PLEKHM3: variants seen among roughly 807,000 people sequenced by gnomAD.
The protein encoded by PLEKHM3 is pleckstrin homology domain-containing family M member 3.
PLEKHM3 carries 45 observed loss-of-function variants against 81.8 expected under a neutral mutation model. The ratio of observed to expected loss-of-function variants is 0.55; its 90% CI spans 0.43 to 0.71. The LOEUF (loss-of-function observed/expected upper bound fraction) is 0.71, where lower values mean the gene tolerates loss of function less well. Among genes scored for constraint, PLEKHM3 ranks in the 30% least tolerant of loss-of-function variants. The pLI is 0.00. For synonymous variants in PLEKHM3, 352 were observed against 356.4 expected, an observed-to-expected ratio of 0.99 and a Z score of 0.14; for missense variants, 788 against 924.3, an observed-to-expected ratio of 0.85 and a Z score of 1.91.
At chr2:207,872,825 TCAAA>T (rs113370682) in intron 6 of PLEKHM3, among the ~76,000 whole-genome samples, 60 of 152,146 alleles carry the variant, frequency 3.9e-4, no homozygotes, top group South Asian at 8.3e-4. Flanking sequence ...AGACTCCGTC[TCAAA>T]CAAACAAACA....
intron 3 of PLEKHM3, among the ~76,000 whole-genome samples, chr2:207,967,593 G>A (rs1690961943): frequency 6.6e-6 from 1 of 152,160 alleles, no homozygotes; most frequent in Admixed American, 6.5e-5. Flanking sequence ...CTTTATCCAG[G>A]TAATTATAGT....
chr2:207,859,600 T>C lies in PLEKHM3; in HGVS notation c.2108+1505A>G, dbSNP rs577950908. ...GTGTACAAGTTTTATGTGGTGTGCA[T>C]TTTGTTTTTTTTTTTTAGACAGAGT... On this transcript the variant is annotated intron_variant, in intron 7 of 7. Transcript: ENST00000427836. 2.6e-5 allele frequency among the ~76,000 whole-genome samples: 4 copies of C among 151,730 alleles called. No homozygotes were observed. The South Asian group carries it at 8.3e-4, about 32-fold the overall frequency.
intron 2 of PLEKHM3, among the ~76,000 whole-genome samples, chr2:207,989,729 A>T (rs990085956): frequency 3.3e-5 from 5 of 152,154 alleles, no homozygotes; most frequent in Non-Finnish European, 4.4e-5. Flanking sequence ...TTCCTCACCC[A>T]ACTTTTGAAC....
intron 5 of PLEKHM3, among the ~76,000 whole-genome samples, chr2:207,928,538 G>C (rs943170798): frequency 2.0e-5 from 3 of 152,230 alleles, no homozygotes; most frequent in African/African-American, 7.2e-5. Context: ...ACTGTTTTAA[G>C]CACTTCAGTT....
intron 1 of PLEKHM3, among the ~76,000 whole-genome samples, chr2:208,020,220 C>T (rs1208031264): frequency 6.6e-6 from 1 of 152,230 alleles, no homozygotes; most frequent in Non-Finnish European, 1.5e-5. Flanking sequence ...AAACTGGTTA[C>T]ACTAGTCAGG....
intron 2 of PLEKHM3, among the ~76,000 whole-genome samples, chr2:207,998,055 G>C (rs1238013888): frequency 6.6e-6 from 1 of 152,140 alleles, no homozygotes. Flanking sequence ...TAGAACTCCA[G>C]CCTGAGAATG....
chr2:207,970,462 T>G (rs1458499717), intron 3 of PLEKHM3, among the ~76,000 whole-genome samples: 1 of 152,138 alleles, frequency 6.6e-6, no homozygotes, highest in African/African-American at 2.4e-5. Context: ...GTATTACTAT[T>G]TAATCACTTT....
intron 1 of PLEKHM3, among the ~76,000 whole-genome samples, chr2:208,003,328 C>T (rs753141954): frequency 9.2e-5 from 14 of 152,162 alleles, no homozygotes; most frequent in Non-Finnish European, 1.3e-4. Context: ...AGTGTGAAAA[C>T]GGACTAATAC....
chr2:207,946,651 T>C (rs1690141519), intron 3 of PLEKHM3, 139 bp from the exon 4 acceptor site: 1 of 1,184,766 alleles, frequency 8.4e-7, no homozygotes. Flanking sequence ...TTACAGATAA[T>C]AGAGTTGTAC....
At chr2:207,975,888 C>T (rs565877745) in intron 3 of PLEKHM3, among the ~76,000 whole-genome samples, 1 of 144,260 alleles carries the variant, frequency 6.9e-6, no homozygotes, top group Non-Finnish European at 1.5e-5. Context: ...TGAGCCACTG[C>T]ACCTGGCACA....
At position 207,870,439 on chromosome 2, in the gene PLEKHM3, T is replaced by C. The variant is rs191009815; in HGVS notation, c.1951-9177A>G. 5.4e-4 allele frequency among the ~76,000 whole-genome samples: 83 copies of C among 152,344 alleles called. 1 individual carries two copies. Among genetic ancestry groups the C allele is most frequent in the African/African-American group, 1.6e-3 (66 of 41,574 alleles). ...GCTGCACTTGACAAACAACTCCGTC[T>C]CTGAAAGTCTAACCAAAAGACCCAA... On this transcript the variant is annotated intron_variant, in intron 6 of 7. Transcript: ENST00000427836.
intron 6 of PLEKHM3, among the ~76,000 whole-genome samples, chr2:207,882,340 G>A (rs973353861): frequency 4.6e-5 from 7 of 152,082 alleles, no homozygotes; most frequent in Admixed American, 1.3e-4. Flanking sequence ...GGCCGGATGC[G>A]GTGGCTGACG....
chr2:207,857,470 CAT>C, intron 7 of PLEKHM3, among the ~76,000 whole-genome samples: 1 of 151,874 alleles, frequency 6.6e-6, no homozygotes, highest in Non-Finnish European at 1.5e-5. Flanking sequence ...TTCAATATTC[CAT>C]AGCATTCACT....
chr2:207,948,046 C>T (rs1690193526), intron 3 of PLEKHM3, among the ~76,000 whole-genome samples: 2 of 152,194 alleles, frequency 1.3e-5, no homozygotes, highest in African/African-American at 2.4e-5. Flanking sequence ...GATCCAGTTC[C>T]TTTCTAGAAT....
intron 6 of PLEKHM3, among the ~76,000 whole-genome samples, chr2:207,908,202 T>C (rs1254649620): frequency 6.6e-6 from 1 of 152,238 alleles, no homozygotes; most frequent in Non-Finnish European, 1.5e-5. Flanking sequence ...CTTGGGTATA[T>C]ACCTAGGAGT....
chr2:207,936,120 A>G (rs557873642), intron 4 of PLEKHM3, among the ~76,000 whole-genome samples: 17 of 152,180 alleles, frequency 1.1e-4, no homozygotes, highest in Non-Finnish European at 2.2e-4. Context: ...GTAGCTAGGT[A>G]GGACTACGTG....
chr2:207,863,511 GAAAT>G (rs1415660495), intron 6 of PLEKHM3, among the ~76,000 whole-genome samples: 9 of 152,250 alleles, frequency 5.9e-5, no homozygotes, highest in African/African-American at 2.2e-4. Flanking sequence ...TAGGCTCACA[GAAAT>G]AAAATCAAGT....
At chr2:207,859,701 G>A (rs1362578836) in intron 7 of PLEKHM3, among the ~76,000 whole-genome samples, 2 of 151,838 alleles carry the variant, frequency 1.3e-5, no homozygotes, top group Non-Finnish European at 2.9e-5. Flanking sequence ...GGGTTCAAGT[G>A]ATTCTCCTGC....
At chr2:207,836,403 T>C (rs1274301573) in intron 7 of PLEKHM3, among the ~76,000 whole-genome samples, 2 of 151,166 alleles carry the variant, frequency 1.3e-5, no homozygotes, top group South Asian at 2.1e-4. Flanking sequence ...TATTGACCCA[T>C]AGCAAGTGAG....
Sources: allele counts gnomAD v4.1 joint callset (sites outside exome capture counted in the v4.1 genomes callset), GRCh38; gene constraint gnomAD v4.1.1; transcripts MANE v1.5; gene names NCBI Gene and HGNC (gene_info 2026-07-23, HGNC 2026-07-21).